ERGIC2: variants seen among roughly 807,000 people sequenced by gnomAD.
The protein encoded by ERGIC2 is ERGIC and golgi 2, also known as endoplasmic reticulum-Golgi intermediate compartment protein 2.
Under a neutral mutation model 52.5 loss-of-function variants are expected in ERGIC2, and 31 were observed. The observed-to-expected ratio is 0.59, with a 90% CI of 0.44 to 0.80. The LOEUF is 0.80. Among genes scored for constraint, ERGIC2 ranks in the 30% least tolerant of loss-of-function variants. ERGIC2 has a pLI of 0.00. For synonymous variants in ERGIC2, 129 were observed against 140.6 expected, an observed-to-expected ratio of 0.92 and a Z score of 0.58; for missense variants, 395 against 455.2, an observed-to-expected ratio of 0.87 and a Z score of 1.20.
At position 29,366,921 on chromosome 12, in the gene ERGIC2, C is replaced by T; in HGVS notation, c.289G>A (p.Ala97Thr). ...TCTGCAGATGCAACCATTGTTTCTG[C>T]TAAATCCAATACATCCGCTCCAACA... is the stretch of plus-strand genomic sequence containing the variant. ...QYVGADVLDL[A>T]ETMVASADGL... Residue 97 changes from alanine to threonine, a missense_variant, in exon 5 of 14, where the codon GCA becomes ACA. By Grantham distance (58) the Ala-to-Thr change is moderately conservative (BLOSUM62 0). Coordinates refer to ENST00000360150, the MANE Select transcript of ERGIC2 (RefSeq NM_016570.3). 6.2e-7 allele frequency: 1 copy of T among 1,601,992 alleles called. No individual in the cohort carries two copies. The highest frequency in any genetic ancestry group is 8.5e-7 in the Non-Finnish European group (1 of 1,173,460).
At chr12:29,345,609 T>G (rs1940037213) in intron 10 of ERGIC2, 69 bp from the exon 11 acceptor site, 1 of 834,130 alleles carries the variant, frequency 1.2e-6, no homozygotes, top group Non-Finnish European at 2.1e-6. Flanking sequence ...ATTCTTCTAT[T>G]AAACACATTT....
At chr12:29,371,319 C>T (rs186493984) in intron 2 of ERGIC2, among the ~76,000 whole-genome samples, 1 of 152,220 alleles carries the variant, frequency 6.6e-6, no homozygotes, top group African/African-American at 2.4e-5. Flanking sequence ...ATAAACACTG[C>T]CAAAGGCACA....
At chr12:29,366,979 T>G in intron 4 of ERGIC2, 32 bp from the exon 5 acceptor site, 1 of 1,464,022 alleles carries the variant, frequency 6.8e-7, no homozygotes, top group African/African-American at 1.4e-5. Context: ...AAGTTTTACA[T>G]TCTATGCTTG....
chr12:29,365,366 T>C (rs1940345372), intron 5 of ERGIC2, among the ~76,000 whole-genome samples: 1 of 151,932 alleles, frequency 6.6e-6, no homozygotes, highest in South Asian at 2.1e-4. Context: ...CAGAAAACCA[T>C]ACACCATATG....
chr12:29,358,405 G>A (rs1361278762), intron 6 of ERGIC2, among the ~76,000 whole-genome samples: 1 of 152,132 alleles, frequency 6.6e-6, no homozygotes, highest in East Asian at 1.9e-4. Flanking sequence ...AACAGGCAGA[G>A]CACAGATAAT....
intron 1 of ERGIC2, among the ~76,000 whole-genome samples, chr12:29,375,245 C>T (rs1410957547): frequency 2.0e-5 from 3 of 152,150 alleles, no homozygotes; most frequent in Admixed American, 6.5e-5. Flanking sequence ...GAACGTTGTA[C>T]CTTTATCACA....
chr12:29,342,015 G>C lies in ERGIC2; in HGVS notation c.989-199C>G, dbSNP rs1949843687. 1.7e-5 allele frequency: 7 copies of C among 420,124 alleles called. No individual in the cohort carries two copies. The Admixed American group carries it at 2.3e-4, about 14-fold the overall frequency. 26.0% of individuals were successfully genotyped at this position (420,124 alleles called of 1,614,324 possible). A position where few individuals can be genotyped will look rare whatever the true frequency, so the allele number is the denominator to read the frequency against. Reference sequence around the variant, plus strand: ...CAAGGCCACATAATTCACGATCTCAGCACAATCTTTTTTTTTTTGAGACGT... The same window carrying C: ...CAAGGCCACATAATTCACGATCTCACCACAATCTTTTTTTTTTTGAGACGT... On this transcript the variant is annotated intron_variant, in intron 12 of 13. Coordinates refer to ENST00000360150, the MANE Select transcript of ERGIC2 (RefSeq NM_016570.3).
At chr12:29,363,030 C>T (rs1211960415) in intron 5 of ERGIC2, among the ~76,000 whole-genome samples, 1 of 152,056 alleles carries the variant, frequency 6.6e-6, no homozygotes, top group Non-Finnish European at 1.5e-5. Flanking sequence ...CTTTGTAGGC[C>T]CTATGCTAAT....
intron 5 of ERGIC2, among the ~76,000 whole-genome samples, chr12:29,366,384 G>A (rs932717174): frequency 2.6e-5 from 4 of 151,890 alleles, no homozygotes; most frequent in African/African-American, 7.2e-5. Context: ...AAATAGAGGC[G>A]TAAAGGAGGA....
chr12:29,373,051 G>A (rs1940465813), intron 1 of ERGIC2: 1 of 151,508 alleles, frequency 6.6e-6, no homozygotes, highest in Non-Finnish European at 1.5e-5. Flanking sequence ...AAGGTCACAT[G>A]GATCCTAACT....
At chr12:29,374,157 C>T (rs927516410) in intron 1 of ERGIC2, among the ~76,000 whole-genome samples, 1 of 152,196 alleles carries the variant, frequency 6.6e-6, no homozygotes, top group Non-Finnish European at 1.5e-5. Context: ...ACTACTTCCT[C>T]ACCCAACTCT....
intron 8 of ERGIC2, among the ~76,000 whole-genome samples, chr12:29,352,192 T>A (rs1399284734): frequency 6.6e-6 from 1 of 152,212 alleles, no homozygotes. Flanking sequence ...GAGAGTCATA[T>A]ATGGTCTCTG....
At chr12:29,353,127 A>G (rs1314373200) in intron 8 of ERGIC2, among the ~76,000 whole-genome samples, 2 of 152,220 alleles carry the variant, frequency 1.3e-5, no homozygotes, top group African/African-American at 4.8e-5. Flanking sequence ...GCACTTTAAA[A>G]AAGGCAATAC....
intron 7 of ERGIC2, 149 bp downstream of exon 7, chr12:29,357,474 A>T: frequency 1.9e-6 from 1 of 522,498 alleles, no homozygotes; most frequent in Non-Finnish European, 3.4e-6. Flanking sequence ...TATAAATTTA[A>T]GAGCAAAAGG....
chr12:29,381,167 G>A lies in ERGIC2; in HGVS notation c.-90C>T, dbSNP rs773542043. The A allele has an allele frequency of 6.6e-6, 1 of 152,238 alleles. No homozygotes were observed. The allele number at this position is 152,238 out of a possible 1,614,324, so 9.4% of individuals were successfully genotyped here. ...ATGTTTCACAGAAGCCCGGGTCGCCGGGGCTCCCGCGTACCCGGAAATATC... is the reference window on the plus strand; with the variant it reads ...ATGTTTCACAGAAGCCCGGGTCGCCAGGGCTCCCGCGTACCCGGAAATATC... On this transcript the variant is annotated 5_prime_UTR_variant, in exon 1 of 14. Coordinates refer to ENST00000360150, the MANE Select transcript of ERGIC2 (RefSeq NM_016570.3).
intron 8 of ERGIC2, among the ~76,000 whole-genome samples, chr12:29,353,579 T>C (rs890618196): frequency 1.3e-5 from 2 of 151,992 alleles, no homozygotes; most frequent in Non-Finnish European, 2.9e-5. Context: ...AAATTTGGAG[T>C]ATTTTGAATG....
intron 11 of ERGIC2, among the ~76,000 whole-genome samples, chr12:29,344,610 A>T (rs1248803205): frequency 6.6e-6 from 1 of 152,150 alleles, no homozygotes; most frequent in Non-Finnish European, 1.5e-5. Flanking sequence ...GCCAAGTGAA[A>T]AGCTATAGAC....
At chr12:29,343,686 A>G (rs999023867) in intron 11 of ERGIC2, among the ~76,000 whole-genome samples, 7 of 151,988 alleles carry the variant, frequency 4.6e-5, no homozygotes, top group African/African-American at 1.7e-4. Context: ...GCATTACAAA[A>G]CTCTTTCCCT....
intron 11 of ERGIC2, among the ~76,000 whole-genome samples, chr12:29,343,701 C>T (rs1412017394): frequency 6.6e-6 from 1 of 152,162 alleles, no homozygotes; most frequent in African/African-American, 2.4e-5. Flanking sequence ...TTCCCTATTA[C>T]TAGCACAATA....
Sources: gnomAD v4.1 joint callset for allele counts (sites outside exome capture counted in the v4.1 genomes callset) on GRCh38, gnomAD v4.1.1 for gene constraint, MANE v1.5 for transcripts, NCBI Gene and HGNC (gene_info 2026-07-23, HGNC 2026-07-21) for gene names.